SGK1: variants seen among roughly 807,000 people sequenced by gnomAD.
The protein encoded by SGK1 is serine/threonine-protein kinase Sgk1.
A neutral mutation model predicts 64.2 loss-of-function variants in SGK1; 26 were observed. The ratio of observed to expected loss-of-function variants is 0.40; its 90% CI spans 0.30 to 0.56. The LOEUF is 0.56. Among genes scored for constraint, SGK1 ranks in the 20% least tolerant of loss-of-function variants. SGK1 has a pLI of 0.38. For synonymous variants in SGK1, 265 were observed against 239.7 expected, an observed-to-expected ratio of 1.11 and a Z score of -0.98; for missense variants, 519 against 645.6, an observed-to-expected ratio of 0.80 and a Z score of 2.12.
chr6:134,246,951 T>C (rs1299848204), intron 2 of SGK1, among the ~76,000 whole-genome samples: 1 of 152,182 alleles, frequency 6.6e-6, no homozygotes, highest in Non-Finnish European at 1.5e-5. Flanking sequence ...AAAGCTGGAC[T>C]TTGAACTAAG....
chr6:134,177,841 C>T (rs189323534), intron 3 of SGK1: 1 of 1,605,552 alleles, frequency 6.2e-7, no homozygotes, highest in African/African-American at 1.3e-5. Flanking sequence ...GAGCCAGAGA[C>T]GGCTATCCCT....
At chr6:134,241,420 C>T (rs988973467) in intron 2 of SGK1, among the ~76,000 whole-genome samples, 1 of 151,608 alleles carries the variant, frequency 6.6e-6, no homozygotes, top group Non-Finnish European at 1.5e-5. Context: ...AACTCTAGGC[C>T]TCAGGTGATC....
At chr6:134,314,798 T>TG (rs1241805688) in intron 1 of SGK1, among the ~76,000 whole-genome samples, 6 of 151,998 alleles carry the variant, frequency 3.9e-5, no homozygotes, top group African/African-American at 1.5e-4. Flanking sequence ...TATGGTTTTT[T>TG]TTTTTTTTTT....
chr6:134,185,694 G>T (rs1455272002), intron 3 of SGK1, among the ~76,000 whole-genome samples: 1 of 151,836 alleles, frequency 6.6e-6, no homozygotes. Context: ...AGGGGAATTG[G>T]CTCATACAAT....
intron 1 of SGK1, among the ~76,000 whole-genome samples, chr6:134,303,924 T>C (rs1777496530): frequency 2.0e-5 from 3 of 152,232 alleles, no homozygotes; most frequent in African/African-American, 7.2e-5. Flanking sequence ...TTTTGTTTTG[T>C]TTTTGATTAA....
At chr6:134,175,033 A>G in intron 3 of SGK1, 1 of 786,086 alleles carries the variant, frequency 1.3e-6, no homozygotes, top group South Asian at 2.6e-5. Flanking sequence ...GTCCCCATTG[A>G]GAGGGCGAGC....
intron 1 of SGK1, among the ~76,000 whole-genome samples, chr6:134,266,376 A>G (rs1466039725): frequency 6.6e-6 from 1 of 151,874 alleles, no homozygotes; most frequent in Non-Finnish European, 1.5e-5. Flanking sequence ...TGGGTTTGGG[A>G]GGCTGAGGCG....
chr6:134,185,021 G>T (rs546079583), intron 3 of SGK1, among the ~76,000 whole-genome samples: 19 of 152,306 alleles, frequency 1.2e-4, no homozygotes, highest in African/African-American at 4.1e-4. Context: ...CATCATCCCT[G>T]GTGCCCAGGA....
At chr6:134,261,506 T>C in intron 2 of SGK1, 1 of 339,504 alleles carries the variant, frequency 2.9e-6, no homozygotes, top group East Asian at 4.5e-5. Context: ...GGATGAATAG[T>C]GGAGGGCAGA....
chr6:134,228,048 G>A (rs1003702192), intron 2 of SGK1, among the ~76,000 whole-genome samples: 2 of 145,412 alleles, frequency 1.4e-5, no homozygotes, highest in African/African-American at 5.2e-5. Flanking sequence ...TCCACCTCCC[G>A]GGCTCAAGCA....
At chr6:134,298,786 T>TATTG (rs1490427946) in intron 1 of SGK1, 17 of 163,112 alleles carry the variant, frequency 1.0e-4, no homozygotes, top group East Asian at 1.7e-3. Flanking sequence ...ATTCAGCTCT[T>TATTG]ATTTATTTAT....
chr6:134,266,700 C>G (rs140743247), intron 1 of SGK1, among the ~76,000 whole-genome samples: 1 of 152,046 alleles, frequency 6.6e-6, no homozygotes, highest in Non-Finnish European at 1.5e-5. Flanking sequence ...CTATAGGGCC[C>G]CTTAAGCATG....
chr6:134,268,976 C>T (rs117951074), intron 1 of SGK1, among the ~76,000 whole-genome samples: 3,486 of 143,128 alleles, frequency 0.024, 340 homozygotes, highest in Non-Finnish European at 0.036. Flanking sequence ...CATCCAAAAG[C>T]AATCCCTCAG....
Position 134,172,227 on chromosome 6 carries a change from T to C in SGK1, c.1037A>G (p.Asn346Ser). ...GCCACAGAAGGTGGATGTTGTGCTGTTGTGTTCAATGTTCTCCTTGCAGAG... is the reference window on the plus strand; with the variant it reads ...GCCACAGAAGGTGGATGTTGTGCTGCTGTGTTCAATGTTCTCCTTGCAGAG... ...FGLCKENIEH[N>S]STTSTFCGTP... Residue 346 changes from asparagine to serine, a missense_variant, in exon 10 of 14, where the codon AAC becomes AGC. Physicochemically the swap from Asn to Ser is conservative, Grantham distance 46 (BLOSUM62 1). Around this residue, in one of 2 missense-constraint regions of SGK1, gnomAD observed 278 missense variants for 408.7 expected, o/e 0.68. Transcript: ENST00000367858. The C allele has an allele frequency of 6.2e-7, 1 of 1,614,220 alleles. No homozygotes were observed. Among genetic ancestry groups the C allele is most frequent in the Non-Finnish European group, 8.5e-7 (1 of 1,180,034 alleles).
At chr6:134,295,091 G>C (rs566530200) in intron 1 of SGK1, among the ~76,000 whole-genome samples, 3 of 151,946 alleles carry the variant, frequency 2.0e-5, no homozygotes, top group Non-Finnish European at 4.4e-5. Flanking sequence ...TTTCATCCAA[G>C]TTCTGAATTT....
chr6:134,174,128 G>T, intron 4 of SGK1, 48 bp from the exon 5 acceptor site: 1 of 1,380,866 alleles, frequency 7.2e-7, no homozygotes, highest in Non-Finnish European at 1.0e-6. Flanking sequence ...GCCACTAGGG[G>T]GCACACCAAC....
intron 1 of SGK1, among the ~76,000 whole-genome samples, chr6:134,265,662 CAT>C (rs1240226604): frequency 1.4e-5 from 2 of 146,302 alleles, no homozygotes; most frequent in Non-Finnish European, 3.0e-5. Flanking sequence ...ACACTATAGA[CAT>C]AAAGTAGGAG....
chr6:134,196,971 G>A (rs146404510), intron 3 of SGK1, among the ~76,000 whole-genome samples: 8 of 152,230 alleles, frequency 5.3e-5, no homozygotes, highest in Admixed American at 3.3e-4. Context: ...AGTGACTCAC[G>A]CCTATAATCC....
chr6:134,197,704 T>A (rs1448094850), intron 3 of SGK1, among the ~76,000 whole-genome samples: 1 of 151,814 alleles, frequency 6.6e-6, no homozygotes, highest in Non-Finnish European at 1.5e-5. Context: ...CGGATGCCCG[T>A]AATATCAGCT....
Sources: gnomAD v4.1 joint callset for allele counts (sites outside exome capture counted in the v4.1 genomes callset) on GRCh38, gnomAD v4.1.1 for gene constraint, gnomAD v4.1.1 regional missense constraint, MANE v1.5 for transcripts, NCBI Gene and HGNC (gene_info 2026-07-23, HGNC 2026-07-21) for gene names.